GSTM5: variants seen among roughly 807,000 people sequenced by gnomAD.
GSTM5 encodes glutathione S-transferase mu 5.
GSTM5 carries 24 observed loss-of-function variants against 29.0 expected under a neutral mutation model. The ratio of observed to expected loss-of-function variants is 0.83; its 90% CI spans 0.60 to 1.16. The LOEUF (loss-of-function observed/expected upper bound fraction) is 1.16. Among genes scored for constraint, GSTM5 ranks in the 50% most tolerant of loss-of-function variants. The pLI is 0.00. For synonymous variants in GSTM5, 91 were observed against 93.6 expected (o/e 0.97, Z 0.16); for missense variants, 290 against 263.0 (o/e 1.10, Z -0.71).
Position 109,712,638 on chromosome 1 carries a change from G to T in GSTM5, c.57G>T (p.Leu19Phe), listed in dbSNP as rs974048981. 1 of 1,614,190 alleles carries T rather than the reference G, an allele frequency of 6.2e-7. No homozygotes were observed. Among genetic ancestry groups the T allele is most frequent in the Non-Finnish European group, 8.5e-7 (1 of 1,180,034 alleles). Residue 19 changes from leucine (L) to phenylalanine (F), a missense_variant, in exon 2 of 8, where the codon TTG becomes TTT. By Grantham distance (22) the Leu-to-Phe change is conservative. Coordinates refer to ENST00000256593, the MANE Select transcript of GSTM5 (RefSeq NM_000851.4). Reference protein sequence around the residue: ...DIRGLAHAIRLLLEYTDSSYV... With the variant: ...DIRGLAHAIRFLLEYTDSSYV... ...CCCAGCTGGCCCACGCCATCCGCTT[G>T]CTCCTGGAATACACAGACTCAAGCT... is the stretch of plus-strand genomic sequence containing the variant.
At position 109,715,196 on chromosome 1, in the gene GSTM5, T is replaced by A; in HGVS notation, c.523T>A (p.Leu175Met). 1 of 1,614,242 alleles carries A rather than the reference T, an allele frequency of 6.2e-7. No individual in the cohort carries two copies. The highest frequency in any genetic ancestry group is 8.5e-7 in the Non-Finnish European group (1 of 1,180,040). Residue 175 changes from leucine to methionine, a missense_variant, in exon 7 of 8, where the codon TTG (leucine) becomes ATG (methionine). Leu to Met is a conservative substitution (Grantham distance 15). Coordinates refer to ENST00000256593, the MANE Select transcript of GSTM5 (RefSeq NM_000851.4). The part of the protein sequence containing the change: ...DMKRIFEPKC[L>M]DAFLNLKDFI... ...GAAGCGTATATTTGAGCCCAAGTGCTTGGACGCCTTCCTAAACTTGAAGGA... is the reference window on the plus strand; with the variant it reads ...GAAGCGTATATTTGAGCCCAAGTGCATGGACGCCTTCCTAAACTTGAAGGA...
chr1:109,713,926 A>G lies in GSTM5; in HGVS notation c.360+165A>G, dbSNP rs190559770. Reference sequence around the variant, plus strand: ...ACACGAATCTTCTCCTCTTCTGAAGATTCTTGTGGACATTTTGGAGAACCA... The same window carrying G: ...ACACGAATCTTCTCCTCTTCTGAAGGTTCTTGTGGACATTTTGGAGAACCA... On this transcript the variant is annotated intron_variant, in intron 5 of 7. Coordinates refer to ENST00000256593, the MANE Select transcript of GSTM5 (RefSeq NM_000851.4). The G allele has an allele frequency of 1.2e-3, 589 of 493,402 alleles. 8 individuals are homozygous for G. The Middle Eastern group carries it at 0.012, about 10-fold the overall frequency. The allele number at this position is 493,402 out of a possible 1,614,324, so 30.6% of individuals were successfully genotyped here. A position where few individuals can be genotyped will look rare whatever the true frequency, so the allele number is the denominator to read the frequency against.
Sources: allele counts gnomAD v4.1 joint callset, GRCh38; gene constraint gnomAD v4.1.1; transcripts MANE v1.5; gene names NCBI Gene and HGNC (gene_info 2026-07-23, HGNC 2026-07-21).